Variants in WDR49 observed in about 807,000 individuals in gnomAD.
WDR49 encodes cilia- and flagella-associated protein 337.
In WDR49, 107 loss-of-function variants were observed where a neutral mutation model predicts 119.5. The observed-to-expected ratio is 0.90, with a 90% CI of 0.77 to 1.05. WDR49 has a LOEUF of 1.05. Ranked by LOEUF, WDR49 falls within the 50% of genes least tolerant of loss-of-function variation. The probability of loss-of-function intolerance (pLI) is 0.00; values close to 1 mark genes in which losing one functional copy is unlikely to be tolerated. For synonymous variants in WDR49, 425 were observed against 418.8 expected (o/e 1.01, Z -0.18); for missense variants, 1,240 against 1,220.5 (o/e 1.02, Z -0.24).
intron 16 of WDR49, among the ~76,000 whole-genome samples, chr3:167,522,003 TAGATAG>T (rs1560266172): frequency 5.8e-4 from 86 of 148,166 alleles, no homozygotes; most frequent in Admixed American, 7.7e-4. Flanking sequence ...GATAGATAGA[TAGATAG>T]ATAGATAGAT....
At chr3:167,544,184 A>G (rs540736385) in intron 10 of WDR49, among the ~76,000 whole-genome samples, 1 of 152,214 alleles carries the variant, frequency 6.6e-6, no homozygotes, top group East Asian at 1.9e-4. Context: ...AACAAATGGA[A>G]ACACATCCCA....
chr3:167,564,212 G>A (rs1272616359), intron 8 of WDR49, among the ~76,000 whole-genome samples: 1 of 152,176 alleles, frequency 6.6e-6, no homozygotes, highest in Non-Finnish European at 1.5e-5. Context: ...ACAGCATATA[G>A]CTAGTCTGAT....
intron 16 of WDR49, among the ~76,000 whole-genome samples, chr3:167,515,294 C>G (rs1752155971): frequency 6.6e-6 from 1 of 152,164 alleles, no homozygotes; most frequent in South Asian, 2.1e-4. Context: ...CCACCACAAT[C>G]AAGTTGGCTT....
chr3:167,536,787 AG>A, intron 11 of WDR49, 82 bp downstream of exon 11: 1 of 1,185,424 alleles, frequency 8.4e-7, no homozygotes, highest in Middle Eastern at 2.4e-4. Flanking sequence ...ACTGAGAAAA[AG>A]CTTTTCTAAA....
intron 5 of WDR49, among the ~76,000 whole-genome samples, chr3:167,617,528 TCAAA>T (rs965468569): frequency 1.5e-4 from 23 of 152,088 alleles, no homozygotes; most frequent in African/African-American, 4.8e-4. Context: ...AGAGTCCATC[TCAAA>T]CAAACAAAGA....
chr3:167,653,318 G>T lies in WDR49; in HGVS notation c.108C>A (p.Gly36=). 1 of 1,536,118 alleles carries T rather than the reference G, an allele frequency of 6.5e-7. No homozygotes were observed. Among genetic ancestry groups the T allele is most frequent in the Non-Finnish European group, 8.7e-7 (1 of 1,146,916 alleles). The change falls in exon 2 of 19, where the codon GGC becomes GGA. Residue 36 remains glycine, a synonymous_variant. Coordinates refer to ENST00000682715, the MANE Select transcript of WDR49 (RefSeq NM_001366157.1). ...CCACGCTGAGTTGGTTTTCAAGCAGGCCTGTGCCATAGTCTTCAAATGCAG... is the reference window on the plus strand; with the variant it reads ...CCACGCTGAGTTGGTTTTCAAGCAGTCCTGTGCCATAGTCTTCAAATGCAG... The part of the protein sequence containing the change: ...GVTAFEDYGT[G]LLENQLSVGD...
intron 2 of WDR49, among the ~76,000 whole-genome samples, chr3:167,644,539 G>A (rs914666076): frequency 2.6e-5 from 4 of 151,974 alleles, no homozygotes; most frequent in African/African-American, 9.7e-5. Context: ...TAATAACTGA[G>A]TAATAGGAGT....
chr3:167,527,933 T>G lies in WDR49; in HGVS notation c.2491A>C (p.Ser831Arg). The G allele has an allele frequency of 6.2e-7, 1 of 1,613,390 alleles. No individual in the cohort carries two copies. The highest frequency in any genetic ancestry group is 8.5e-7 in the Non-Finnish European group (1 of 1,179,596). Reference protein sequence around the residue: ...RSFQPHEDRISSLEMCEPGGQ... With the variant: ...RSFQPHEDRIRSLEMCEPGGQ... ...CCTGGCTCACACATCTCTAAGGAAC[T>G]TATTCGGTCCTCATGAGGTTGGAAT... The change falls in exon 15 of 19, where the codon AGT (serine) becomes CGT (arginine). Residue 831 changes from serine to arginine, a missense_variant. Transcript: ENST00000682715.
At position 167,652,408 on chromosome 3, in the gene WDR49, A is replaced by C. The variant is rs192027899; in HGVS notation, c.165+853T>G. ...TATTTTCTATTTCAAATTAGTATGG[A>C]TACTCCAAGCACCCACGGACAATCT... On this transcript the variant is annotated intron_variant, in intron 2 of 18. Transcript: ENST00000682715. Among the ~76,000 whole-genome samples the C allele has an allele frequency of 9.2e-5, 14 of 152,266 alleles. No individual in the cohort carries two copies. The East Asian group carries it at 2.7e-3, about 29-fold the overall frequency.
intron 10 of WDR49, among the ~76,000 whole-genome samples, chr3:167,540,577 C>A (rs547865763): frequency 9.2e-5 from 14 of 152,090 alleles, no homozygotes; most frequent in Non-Finnish European, 1.9e-4. Flanking sequence ...GATTTTTTCA[C>A]TGGAATAGTC....
intron 5 of WDR49, among the ~76,000 whole-genome samples, chr3:167,617,505 G>A (rs772781498): frequency 7.9e-5 from 12 of 152,144 alleles, no homozygotes; most frequent in Admixed American, 5.9e-4. Flanking sequence ...CAGCCTGGGC[G>A]ACAGTCTGAG....
intron 10 of WDR49, among the ~76,000 whole-genome samples, chr3:167,549,158 C>T (rs1279139859): frequency 1.2e-4 from 18 of 152,132 alleles, no homozygotes; most frequent in South Asian, 6.2e-4. Flanking sequence ...AACATACGTG[C>T]GCATGTGTCT....
At chr3:167,566,856 A>G (rs1713634141) in intron 8 of WDR49, 1 of 686,892 alleles carries the variant, frequency 1.5e-6, no homozygotes, top group Non-Finnish European at 2.7e-6. Context: ...GTCAATTATC[A>G]TAAGGGTCTT....
At chr3:167,555,616 AGAC>A (rs1712876389) in intron 9 of WDR49, among the ~76,000 whole-genome samples, 2 of 152,266 alleles carry the variant, frequency 1.3e-5, no homozygotes, top group African/African-American at 4.8e-5. Context: ...ATCTCCAAGT[AGAC>A]AGTGTCAGAA....
chr3:167,481,415 A>G (rs979541930), intron 18 of WDR49, among the ~76,000 whole-genome samples: 1 of 152,134 alleles, frequency 6.6e-6, no homozygotes, highest in African/African-American at 2.4e-5. Context: ...GGAAAAAATC[A>G]CAAGGGAGAA....
In WDR49 at chr3:167,653,485, T is replaced by G. The variant is rs1323480992; in HGVS notation, c.-60A>C. ...TTTCTATAAGGATGGATCTTCTTTT[T>G]CCTTCAACAGGTGCCTTTGAAAAGA... is the stretch of plus-strand genomic sequence containing the variant. On this transcript the variant is annotated 5_prime_UTR_variant, in exon 2 of 19. Coordinates refer to ENST00000682715, the MANE Select transcript of WDR49 (RefSeq NM_001366157.1). 1.4e-6 allele frequency: 2 copies of G among 1,414,986 alleles called. No individual in the cohort carries two copies. Among genetic ancestry groups the G allele is most frequent in the Non-Finnish European group, 1.8e-6 (2 of 1,089,456 alleles). The allele number at this position is 1,414,986 out of a possible 1,614,324, so 87.7% of individuals were successfully genotyped here.
chr3:167,630,542 C>T (rs1398994185), intron 2 of WDR49, among the ~76,000 whole-genome samples: 4 of 152,056 alleles, frequency 2.6e-5, no homozygotes, highest in Admixed American at 6.6e-5. Flanking sequence ...TTGAGTGAAT[C>T]CCTGAAGAGT....
At chr3:167,600,462 G>A (rs1454033064) in intron 7 of WDR49, among the ~76,000 whole-genome samples, 1 of 152,200 alleles carries the variant, frequency 6.6e-6, no homozygotes, top group African/African-American at 2.4e-5. Flanking sequence ...GGTACTGTGA[G>A]TGCTCACCTG....
intron 7 of WDR49, among the ~76,000 whole-genome samples, chr3:167,594,754 C>A (rs1715322697): frequency 6.6e-6 from 1 of 151,292 alleles, no homozygotes; most frequent in Non-Finnish European, 1.5e-5. Flanking sequence ...AACCCACAGC[C>A]AATATCATAC....
Sources: gnomAD v4.1 joint callset for allele counts (sites outside exome capture counted in the v4.1 genomes callset) on GRCh38, gnomAD v4.1.1 for gene constraint, MANE v1.5 for transcripts, NCBI Gene and HGNC (gene_info 2026-07-23, HGNC 2026-07-21) for gene names.